Variants in NRXN3 observed in about 807,000 individuals in gnomAD.
NRXN3 encodes neurexin III.
Under a neutral mutation model 137.6 loss-of-function variants are expected in NRXN3, and 32 were observed. That is an observed-to-expected ratio of 0.23 (90% CI 0.18 to 0.31). The LOEUF (loss-of-function observed/expected upper bound fraction) is 0.31. Among genes scored for constraint, NRXN3 ranks in the 10% least tolerant of loss-of-function variants. The pLI, the probability that NRXN3 is intolerant of heterozygous loss-of-function variation, is 1.00. For synonymous variants in NRXN3, 798 were observed against 784.5 expected (o/e 1.02, Z -0.29); for missense variants, 1,574 against 2,062.5 (o/e 0.76, Z 4.59).
chr14:78,938,767 A>G (rs919321910), intron 10 of NRXN3, among the ~76,000 whole-genome samples: 2 of 151,964 alleles, frequency 1.3e-5, no homozygotes, highest in Non-Finnish European at 2.9e-5. Context: ...CTGTAAGAGG[A>G]AGTCAGGACT....
chr14:79,316,483 A>G (rs1272548147), intron 15 of NRXN3, among the ~76,000 whole-genome samples: 1 of 152,182 alleles, frequency 6.6e-6, no homozygotes, highest in African/African-American at 2.4e-5. Context: ...TTGACCTGTT[A>G]GTTGTTGAAT....
chr14:78,675,782 C>A (rs1235532203), intron 6 of NRXN3, among the ~76,000 whole-genome samples: 1 of 152,144 alleles, frequency 6.6e-6, no homozygotes, highest in African/African-American at 2.4e-5. Context: ...TACCTTCTTG[C>A]ACTTTTGAGT....
At chr14:79,826,297 A>T (rs181541697) in intron 20 of NRXN3, among the ~76,000 whole-genome samples, 1 of 150,760 alleles carries the variant, frequency 6.6e-6, no homozygotes, top group East Asian at 2.0e-4. Context: ...CCAACCTGAG[A>T]TTTTTTTTTT....
chr14:79,532,912 A>T (rs1307541039), intron 16 of NRXN3, among the ~76,000 whole-genome samples: 24 of 152,266 alleles, frequency 1.6e-4, no homozygotes, highest in Non-Finnish European at 1.0e-4. Context: ...ATAGGAGAAG[A>T]TTTCCTAGCA....
intron 15 of NRXN3, among the ~76,000 whole-genome samples, chr14:79,091,459 G>T (rs79052513): frequency 0.061 from 9,223 of 152,104 alleles, 849 homozygotes; most frequent in African/African-American, 0.2. Context: ...TCCTCAGGAG[G>T]TTTTTCCCAC....
chr14:79,391,106 G>C (rs1353257040), intron 15 of NRXN3, among the ~76,000 whole-genome samples: 1 of 152,008 alleles, frequency 6.6e-6, no homozygotes, highest in Admixed American at 6.6e-5. Flanking sequence ...CAGATATTCT[G>C]TTATAGCAGC....
At chr14:78,228,157 C>CTTTTT (rs1156767557) in intron 1 of NRXN3, among the ~76,000 whole-genome samples, 4 of 130,482 alleles carry the variant, frequency 3.1e-5, no homozygotes, top group Non-Finnish European at 3.3e-5. Flanking sequence ...AATTTTCTTT[C>CTTTTT]TTTTTTTTTT....
chr14:78,631,147 C>G (rs1418259691), intron 4 of NRXN3, among the ~76,000 whole-genome samples: 1 of 152,152 alleles, frequency 6.6e-6, no homozygotes, highest in African/African-American at 2.4e-5. Context: ...ATCAGAGAAT[C>G]AGGTTCATTT....
At chr14:79,399,146 T>C (rs974951835) in intron 15 of NRXN3, among the ~76,000 whole-genome samples, 2 of 152,104 alleles carry the variant, frequency 1.3e-5, no homozygotes, top group Non-Finnish European at 2.9e-5. Context: ...AAATGTATCT[T>C]AAGCCCAAGC....
intron 8 of NRXN3, among the ~76,000 whole-genome samples, chr14:78,773,031 T>C (rs112282125): frequency 2.8e-4 from 43 of 152,312 alleles, no homozygotes; most frequent in African/African-American, 9.4e-4. Context: ...AAAGTCCCGA[T>C]TGGCTCATAA....
chr14:78,741,700 A>G (rs1338190607), intron 8 of NRXN3, among the ~76,000 whole-genome samples: 2 of 152,184 alleles, frequency 1.3e-5, no homozygotes, highest in Non-Finnish European at 1.5e-5. Flanking sequence ...CTCTCTTAGC[A>G]TATTTCTAAG....
chr14:79,141,561 C>G (rs1003695533), intron 15 of NRXN3, among the ~76,000 whole-genome samples: 2 of 152,188 alleles, frequency 1.3e-5, no homozygotes, highest in African/African-American at 2.4e-5. Context: ...CCTGACTTCT[C>G]TTTGGCTCAG....
At chr14:79,790,530 A>G (rs922035865) in intron 19 of NRXN3, among the ~76,000 whole-genome samples, 2 of 151,492 alleles carry the variant, frequency 1.3e-5, no homozygotes, top group Non-Finnish European at 2.9e-5. Flanking sequence ...GCTGGTCTCA[A>G]ACTTCTGAGT....
intron 15 of NRXN3, among the ~76,000 whole-genome samples, chr14:79,207,379 T>C (rs1412338067): frequency 3.3e-5 from 5 of 152,104 alleles, no homozygotes; most frequent in African/African-American, 1.2e-4. Flanking sequence ...AAACCAAAAG[T>C]GCACATGAAT....
At chr14:78,469,411 G>A (rs1322106772) in intron 4 of NRXN3, among the ~76,000 whole-genome samples, 1 of 152,170 alleles carries the variant, frequency 6.6e-6, no homozygotes, top group African/African-American at 2.4e-5. Context: ...TGCAGCCAGA[G>A]TTGAGAACCA....
intron 15 of NRXN3, among the ~76,000 whole-genome samples, chr14:79,427,984 CGTGT>C (rs928417303): frequency 5.9e-5 from 9 of 151,798 alleles, no homozygotes; most frequent in Admixed American, 2.0e-4. Flanking sequence ...ACGTTCTGCA[CGTGT>C]GTGTGTGCGT....
At chr14:78,456,801 CTTTCTT>C (rs1340086974) in intron 4 of NRXN3, among the ~76,000 whole-genome samples, 2 of 84,138 alleles carry the variant, frequency 2.4e-5, no homozygotes, top group Non-Finnish European at 5.1e-5. Flanking sequence ...CTCTTTCTCT[CTTTCTT>C]TCTTTCTTTC....
chr14:79,259,902 A>T (rs930662738), intron 15 of NRXN3, among the ~76,000 whole-genome samples: 2 of 151,986 alleles, frequency 1.3e-5, no homozygotes, highest in African/African-American at 4.8e-5. Context: ...AAGTTAGGAA[A>T]TCAATCTAAT....
chr14:79,425,263 C>G (rs1188292443), intron 15 of NRXN3, among the ~76,000 whole-genome samples: 1 of 152,086 alleles, frequency 6.6e-6, no homozygotes, highest in Non-Finnish European at 1.5e-5. Context: ...ATCCAGAGAG[C>G]TAAGTTATAC....
Sources: gnomAD v4.1 joint callset for allele counts (sites outside exome capture counted in the v4.1 genomes callset) on GRCh38, gnomAD v4.1.1 for gene constraint, MANE v1.5 for transcripts, NCBI Gene and HGNC (gene_info 2026-07-23, HGNC 2026-07-21) for gene names.